Variants in TRRAP observed in about 807,000 individuals in gnomAD.
TRRAP encodes the protein transformation/transcription domain associated protein.
Under a neutral mutation model 438.8 loss-of-function variants are expected in TRRAP, and 41 were observed. The ratio of observed to expected loss-of-function variants is 0.09; its 90% CI spans 0.07 to 0.12. TRRAP has a LOEUF of 0.12. Among genes scored for constraint, TRRAP ranks in the 10% least tolerant of loss-of-function variants. The pLI, the probability that TRRAP is intolerant of heterozygous loss-of-function variation, is 1.00. For synonymous variants in TRRAP, 1,994 were observed against 1,962.9 expected (o/e 1.02, Z -0.42); for missense variants, 3,122 against 5,055.1 (o/e 0.62, Z 11.60).
chr7:98,946,991 C>T (rs1328494978), intron 33 of TRRAP, among the ~76,000 whole-genome samples: 2 of 152,250 alleles, frequency 1.3e-5, no homozygotes, highest in Admixed American at 6.5e-5. Context: ...CATTTTGTCT[C>T]CATCTCCTGC....
intron 59 of TRRAP, among the ~76,000 whole-genome samples, chr7:98,982,706 G>A (rs1217478437): frequency 6.6e-6 from 1 of 152,198 alleles, no homozygotes; most frequent in Non-Finnish European, 1.5e-5. Context: ...GGTGCCAACA[G>A]CGCATCTGGA....
chr7:98,909,990 G>T, intron 14 of TRRAP, 66 bp from the exon 15 acceptor site: 1 of 1,508,678 alleles, frequency 6.6e-7, no homozygotes, highest in South Asian at 1.3e-5. Context: ...ACTGTGATCT[G>T]AGCAGTATTT....
At position 99,005,311 on chromosome 7, in the gene TRRAP, G is replaced by A; in HGVS notation, c.10716G>A (p.Lys3572=). The A allele has an allele frequency of 1.2e-6, 2 of 1,614,068 alleles. No individual in the cohort carries two copies. Among genetic ancestry groups the A allele is most frequent in the East Asian group, 2.2e-5 (1 of 44,890 alleles). The change falls in exon 69 of 73, where the codon AAG becomes AAA. Residue 3572 remains lysine (K), a synonymous_variant. Transcript: ENST00000456197. This position sits in a 1 kb window ranked among gnomAD's most constrained non-coding sequence, Gnocchi z 5.1. ...LLRLLNPCLE[K]RKETTKRHLF... ...GTCTGCTGAACCCCTGTTTGGAGAA[G>A]AGAAAGGAGACCACCAAGAGGCACT...
intron 14 of TRRAP, among the ~76,000 whole-genome samples, chr7:98,909,790 C>T (rs1796978473): frequency 3.6e-5 from 1 of 27,968 alleles, no homozygotes; most frequent in South Asian, 2.0e-3. Context: ...AGTAAATCGG[C>T]ACCTTTTCCT....
chr7:98,950,897 C>G lies in TRRAP; in HGVS notation c.5356C>G (p.Pro1786Ala). The G allele has an allele frequency of 6.4e-7, 1 of 1,574,274 alleles. No homozygotes were observed. The highest frequency in any genetic ancestry group is 8.6e-7 in the Non-Finnish European group (1 of 1,166,216). The stretch of plus-strand genomic sequence containing the variant: ...GTAGGTTCTGCAGCATATCTTGAAT[C>G]CTGCTTTCTTGTACAGCTTTGAGAA... ...KAKVLQHILN[P>A]AFLYSFEKGE... Residue 1786 changes from proline to alanine, a missense_variant, in exon 39 of 73, where the codon CCT becomes GCT. Pro to Ala is a conservative substitution (Grantham distance 27). Coordinates refer to ENST00000456197, the MANE Select transcript of TRRAP (RefSeq NM_001375524.1).
intron 4 of TRRAP, 152 bp downstream of exon 4, chr7:98,890,597 CAT>C: frequency 1.7e-6 from 1 of 581,154 alleles, no homozygotes. Flanking sequence ...TCCTCAGTTA[CAT>C]GTCTTGGTTT....
chr7:98,965,430 A>G (rs147862258), intron 48 of TRRAP, among the ~76,000 whole-genome samples: 2 of 152,072 alleles, frequency 1.3e-5, no homozygotes, highest in Non-Finnish European at 2.9e-5. Flanking sequence ...AGGGGCCATG[A>G]TTAGGACTTC....
At chr7:98,891,376 T>C (rs1554404856) in intron 4 of TRRAP, among the ~76,000 whole-genome samples, 1 of 151,120 alleles carries the variant, frequency 6.6e-6, no homozygotes, top group Non-Finnish European at 1.5e-5. Context: ...CATGCCCAGC[T>C]AGTTTTTGTA....
At chr7:98,982,768 G>C (rs1377808321) in intron 59 of TRRAP, among the ~76,000 whole-genome samples, 1 of 151,882 alleles carries the variant, frequency 6.6e-6, no homozygotes, top group African/African-American at 2.4e-5. Context: ...TCAAAAATGT[G>C]TTTACATTTT....
At chr7:98,881,828 G>T in intron 2 of TRRAP, 147 bp from the exon 3 acceptor site, 1 of 755,360 alleles carries the variant, frequency 1.3e-6, no homozygotes, top group Non-Finnish European at 2.1e-6. Flanking sequence ...TGGTTGTAGG[G>T]AACTAGCTAT....
chr7:98,900,299 G>A (rs1018819193), intron 10 of TRRAP, among the ~76,000 whole-genome samples: 4 of 152,088 alleles, frequency 2.6e-5, no homozygotes, highest in Non-Finnish European at 1.5e-5. Context: ...TTTGGCCATC[G>A]CCACGGCCCT....
chr7:98,943,609 C>T (rs1041991124), intron 31 of TRRAP, among the ~76,000 whole-genome samples: 3 of 152,304 alleles, frequency 2.0e-5, no homozygotes, highest in South Asian at 4.1e-4. Context: ...AAAGGAAAAC[C>T]GCTTCAGCTA....
chr7:98,915,734 C>T lies in TRRAP; in HGVS notation c.2211C>T (p.His737=). 1 of 1,613,828 alleles carries T rather than the reference C, an allele frequency of 6.2e-7. No individual in the cohort carries two copies. The highest frequency in any genetic ancestry group is 1.1e-5 in the South Asian group (1 of 91,058). ...ENEQMLKPHL[H]KIVNSSMELA... ...TCTCCACCCCGCAGCCTCACTTGCA[C>T]AAGATTGTGAACAGCTCTATGGAGC... The change falls in exon 19 of 73, where the codon CAC becomes CAT. Residue 737 remains histidine (H), a synonymous_variant. Coordinates refer to ENST00000456197, the MANE Select transcript of TRRAP (RefSeq NM_001375524.1).
Position 98,881,945 on chromosome 7 carries a change from A to G in TRRAP, c.101-30A>G, listed in dbSNP as rs782724111. ...ACATAATTTCCTTAACATAATTTCA[A>G]TTACCTGATGCTTGTTTTGCCGTTC... On this transcript the variant is annotated intron_variant, in intron 2 of 72. Transcript: ENST00000456197. The G allele has an allele frequency of 2.0e-5, 32 of 1,593,848 alleles. No individual in the cohort carries two copies. In the Admixed American group the frequency reaches 3.9e-4, roughly 20 times the overall value.
chr7:98,889,172 T>C (rs1795852827), intron 3 of TRRAP, among the ~76,000 whole-genome samples: 1 of 151,588 alleles, frequency 6.6e-6, no homozygotes, highest in South Asian at 2.1e-4. Context: ...CCAGCTAGTG[T>C]GCCCATTTTC....
intron 62 of TRRAP, among the ~76,000 whole-genome samples, chr7:98,988,185 G>C (rs1249756767): frequency 6.6e-6 from 1 of 152,168 alleles, no homozygotes; most frequent in Non-Finnish European, 1.5e-5. Flanking sequence ...TGGTGTAATA[G>C]TGAAGCGGTA....
At chr7:98,958,446 C>T (rs544718019) in intron 44 of TRRAP, among the ~76,000 whole-genome samples, 2 of 152,062 alleles carry the variant, frequency 1.3e-5, no homozygotes, top group East Asian at 1.9e-4. Flanking sequence ...ATTACAGGCG[C>T]GTGCCACCAC....
rs1301326554 is a variant in TRRAP, at chr7:98,955,301, C to A, written c.5934C>A (p.Phe1978Leu). 1 of 1,611,968 alleles carries A rather than the reference C, an allele frequency of 6.2e-7. No homozygotes were observed. The highest frequency in any genetic ancestry group is 2.2e-5 in the East Asian group (1 of 44,806). The change falls in exon 41 of 73, where the codon TTC (phenylalanine) becomes TTA (leucine). Residue 1978 changes from phenylalanine to leucine, a missense_variant. Transcript: ENST00000456197. Reference protein sequence around the residue: ...VHILHLIVQHFKVYYPVRHHL... With the variant: ...VHILHLIVQHLKVYYPVRHHL... ...TTCTGCACCTGATAGTGCAACACTT[C>A]AAGGTGTGTAGGAGGGACGGTGGGC...
intron 67 of TRRAP, 98 bp from the exon 68 acceptor site, chr7:99,004,092 A>G (rs1794060118): frequency 8.5e-7 from 1 of 1,171,106 alleles, no homozygotes; most frequent in Non-Finnish European, 1.2e-6. Flanking sequence ...CAAACAAAAC[A>G]TGTAATTCGT....
Sources: allele counts gnomAD v4.1 joint callset (sites outside exome capture counted in the v4.1 genomes callset), GRCh38; gene constraint gnomAD v4.1.1; non-coding constraint Gnocchi (gnomAD v3.1); transcripts MANE v1.5; gene names NCBI Gene and HGNC (gene_info 2026-07-23, HGNC 2026-07-21).